The following COX7A2 variants were observed in gnomAD, a reference collection of about 807,000 sequenced individuals.
The protein encoded by COX7A2 is cytochrome c oxidase subunit 7A2.
A neutral mutation model predicts 11.6 loss-of-function variants in COX7A2; 11 were observed. The observed-to-expected ratio is 0.95, with a 90% CI of 0.60 to 1.57. The LOEUF (loss-of-function observed/expected upper bound fraction) is 1.57, where lower values mean the gene tolerates loss of function less well. Among genes scored for constraint, COX7A2 ranks in the 40% most tolerant of loss-of-function variants. The pLI, the probability that COX7A2 is intolerant of heterozygous loss-of-function variation, is 0.00. For synonymous variants in COX7A2, 30 were observed against 38.2 expected, an observed-to-expected ratio of 0.78 and a Z score of 0.79; for missense variants, 106 against 100.9, an observed-to-expected ratio of 1.05 and a Z score of -0.22.
upstream of COX7A2, chr6:75,243,973 T>C (rs1771617603): frequency 5.8e-6 from 4 of 688,664 alleles, no homozygotes; most frequent in Admixed American, 1.1e-4. Flanking sequence ...CCTGACCTTT[T>C]CGATGTTCAG....
chr6:75,237,711 T>G, downstream of COX7A2: 2 of 402,206 alleles, frequency 5.0e-6, no homozygotes, highest in Non-Finnish European at 8.9e-6. Flanking sequence ...GAATCATTTC[T>G]TTGATCCTTA....
chr6:75,247,256 C>G (rs554624673), upstream of COX7A2, among the ~76,000 whole-genome samples: 3 of 152,170 alleles, frequency 2.0e-5, no homozygotes, highest in South Asian at 6.2e-4. Context: ...CAAGATAACC[C>G]TGACTTTGAT....
chr6:75,247,407 AAC>A (rs1478354160), upstream of COX7A2, among the ~76,000 whole-genome samples: 1 of 152,196 alleles, frequency 6.6e-6, no homozygotes, highest in African/African-American at 2.4e-5. Context: ...AAAAATATAG[AAC>A]AGTTTCATGT....
chr6:75,248,081 C>CTTTTTTTTTTTTTTTTTTTTTTTTTT (rs905344722), upstream of COX7A2, among the ~76,000 whole-genome samples: 1 of 10,684 alleles, frequency 9.4e-5, no homozygotes, highest in African/African-American at 3.0e-4. Flanking sequence ...CATCCTTTAT[C>CTTTTTTTTTTTTTTTTTTTTTTTTTT]TTTTTTTTTT....
chr6:75,241,272 T>C lies in COX7A2; in HGVS notation c.19-7A>G, dbSNP rs1771493888. On this transcript the variant is annotated splice_region_variant and splice_polypyrimidine_tract_variant and intron_variant, in intron 1 of 3. Transcript: ENST00000684430. ...GCCCAATCTGACGAAGAGCCTAAAA[T>C]GAAAATATTATTAAATAGACTTAGA... The C allele has an allele frequency of 4.0e-6, 6 of 1,513,664 alleles. No individual in the cohort carries two copies. The Middle Eastern group carries it at 7.2e-4, about 181-fold the overall frequency. The allele number at this position is 1,513,664 out of a possible 1,614,324, so 93.8% of individuals were successfully genotyped here. A position where few individuals can be genotyped will look rare whatever the true frequency, so the allele number is the denominator to read the frequency against.
At chr6:75,243,809 C>T, upstream of COX7A2, 1 of 1,614,116 alleles carries the variant, frequency 6.2e-7, no homozygotes. Flanking sequence ...ACCGGAACTA[C>T]CTCCGAGTCT....
At chr6:75,242,518 TAAAAAATA>T (rs954898899) in intron 1 of COX7A2, among the ~76,000 whole-genome samples, 1 of 139,582 alleles carries the variant, frequency 7.2e-6, no homozygotes, top group African/African-American at 2.7e-5. Context: ...AAAATAAAAA[TAAAAAATA>T]AAAAAATAAA....
rs749385224 is a variant in COX7A2 at position 75,243,739 on chromosome 6, G to A, written c.-5C>T. 1.5e-5 allele frequency: 25 copies of A among 1,613,734 alleles called. No individual in the cohort carries two copies. The highest frequency in any genetic ancestry group is 2.7e-5 in the African/African-American group (2 of 74,890). ...CACCAGCAGATTCCGCAGCATCTTG[G>A]CTGTTACTGACCAGCAACCGCCACA... On this transcript the variant is annotated 5_prime_UTR_variant, in exon 1 of 4. Coordinates refer to ENST00000684430, the MANE Select transcript of COX7A2 (RefSeq NM_001366293.2).
chr6:75,238,014 T>C (rs1337087376), intron 3 of COX7A2, 26 bp from the exon 4 acceptor site: 25 of 1,478,256 alleles, frequency 1.7e-5, no homozygotes, highest in Non-Finnish European at 2.1e-5. Context: ...AAAAAAGAAC[T>C]TAACCATAAA....
intron 1 of COX7A2, chr6:75,250,028 G>A (rs1771755619): frequency 1.6e-5 from 1 of 61,166 alleles, no homozygotes; most frequent in African/African-American, 4.4e-5. Flanking sequence ...TGGGCAGCTG[G>A]AGAAGAGAGC....
upstream of COX7A2, among the ~76,000 whole-genome samples, chr6:75,247,613 T>C (rs1771708089): frequency 6.6e-6 from 1 of 152,184 alleles, no homozygotes; most frequent in Non-Finnish European, 1.5e-5. Context: ...GACTAACTCC[T>C]AATGATCTTT....
chr6:75,243,825 A>G, upstream of COX7A2: 2 of 1,613,866 alleles, frequency 1.2e-6, no homozygotes, highest in Non-Finnish European at 1.7e-6. Flanking sequence ...AGTCTTGCGT[A>G]TGCATTCACG....
In COX7A2 at chr6:75,237,876, G is replaced by T. The variant is rs1229494931; in HGVS notation, c.*54C>A. 1 of 1,349,440 alleles carries T rather than the reference G, an allele frequency of 7.4e-7. No homozygotes were observed. The highest frequency in any genetic ancestry group is 1.1e-6 in the Non-Finnish European group (1 of 946,752). The allele number at this position is 1,349,440 out of a possible 1,614,324, so 83.6% of individuals were successfully genotyped here. A position where few individuals can be genotyped will look rare whatever the true frequency, so the allele number is the denominator to read the frequency against. On this transcript the variant is annotated 3_prime_UTR_variant, in exon 4 of 4. Coordinates refer to ENST00000684430, the MANE Select transcript of COX7A2 (RefSeq NM_001366293.2). The stretch of plus-strand genomic sequence containing the variant: ...GAGCTCGGTTATTTATCAGATTACT[G>T]GTCCATAGAGAGCTGAATGAAACTG...
Position 75,241,253 on chromosome 6 carries a change from T to C in COX7A2, c.31A>G (p.Ile11Val), listed in dbSNP as rs767341310. 8.4e-6 allele frequency: 13 copies of C among 1,542,558 alleles called. No homozygotes were observed. In the African/African-American group the frequency reaches 1.5e-4, roughly 18 times the overall value. Residue 11 changes from isoleucine (I) to valine (V), a missense_variant, in exon 2 of 4, where the codon ATT (isoleucine) becomes GTT (valine). By Grantham distance (29) the Ile-to-Val change is conservative. Transcript: ENST00000684430. MLRNLLALRQ[I>V]GQRTISTASR... Reference sequence around the variant, plus strand: ...GCAGTGCTTATCGTCCTCTGCCCAATCTGACGAAGAGCCTAAAATGAAAAT... The same window carrying C: ...GCAGTGCTTATCGTCCTCTGCCCAACCTGACGAAGAGCCTAAAATGAAAAT...
At position 75,241,233 on chromosome 6, in the gene COX7A2, G is replaced by A. The variant is rs761956234; in HGVS notation, c.51C>T (p.Ser17=). The A allele has an allele frequency of 6.3e-7, 1 of 1,586,570 alleles. No homozygotes were observed. Among genetic ancestry groups the A allele is most frequent in the South Asian group, 1.1e-5 (1 of 87,676 alleles). The part of the protein sequence containing the change: ...ALRQIGQRTI[S]TASRRHFKNK... ...TTTTAAAATGCCTGCGGGAAGCAGTGCTTATCGTCCTCTGCCCAATCTGAC... is the reference window on the plus strand; with the variant it reads ...TTTTAAAATGCCTGCGGGAAGCAGTACTTATCGTCCTCTGCCCAATCTGAC... Residue 17 remains serine, a synonymous_variant, in exon 2 of 4, where the codon AGC becomes AGT. Transcript: ENST00000684430.
upstream of COX7A2, among the ~76,000 whole-genome samples, chr6:75,244,687 G>C (rs1452857011): frequency 1.3e-5 from 2 of 152,036 alleles, no homozygotes; most frequent in African/African-American, 4.8e-5. Context: ...CAAATTATTT[G>C]ATTGCCATTT....
At position 75,243,774 on chromosome 6, in the gene COX7A2, C is replaced by G; in HGVS notation, c.-40G>C. The stretch of plus-strand genomic sequence containing the variant: ...ACCAGCAACCGCCACAACTGAACAC[C>G]ACCAACGAAAATGGCCACGCCGGAA... On this transcript the variant is annotated 5_prime_UTR_variant, in exon 1 of 4. Coordinates refer to ENST00000684430, the MANE Select transcript of COX7A2 (RefSeq NM_001366293.2). 2 of 1,614,102 alleles carry G rather than the reference C, an allele frequency of 1.2e-6. No individual in the cohort carries two copies. Among genetic ancestry groups the G allele is most frequent in the African/African-American group, 1.3e-5 (1 of 75,042 alleles).
upstream of COX7A2, among the ~76,000 whole-genome samples, chr6:75,247,558 A>G (rs1771706592): frequency 6.7e-6 from 1 of 149,968 alleles, no homozygotes; most frequent in Admixed American, 6.7e-5. Flanking sequence ...ATTATTAAAT[A>G]CTTTAATTGC....
upstream of COX7A2, among the ~76,000 whole-genome samples, chr6:75,245,896 A>C (rs1448137774): frequency 6.6e-6 from 1 of 152,214 alleles, no homozygotes; most frequent in Non-Finnish European, 1.5e-5. Flanking sequence ...ACATGTAAGA[A>C]AGAATATGAT....
Sources: gnomAD v4.1 joint callset for allele counts (sites outside exome capture counted in the v4.1 genomes callset) on GRCh38, gnomAD v4.1.1 for gene constraint, MANE v1.5 for transcripts, NCBI Gene and HGNC (gene_info 2026-07-23, HGNC 2026-07-21) for gene names.